PBX4: variants seen among roughly 807,000 people sequenced by gnomAD.
PBX4 encodes the protein pre-B-cell leukemia transcription factor 4.
A neutral mutation model predicts 35.1 loss-of-function variants in PBX4; 26 were observed. The observed-to-expected ratio is 0.74, with a 90% confidence interval of 0.54 to 1.03. The LOEUF is 1.03. PBX4 is among the 50% of genes least tolerant of loss of function. The pLI is 0.00. For synonymous variants in PBX4, 199 were observed against 204.2 expected (o/e 0.97, Z 0.22); for missense variants, 448 against 504.3 (o/e 0.89, Z 1.07).
chr19:19,593,955 AT>A (rs1403528508), intron 2 of PBX4, among the ~76,000 whole-genome samples: 20 of 150,864 alleles, frequency 1.3e-4, no homozygotes, highest in Admixed American at 2.7e-4. Flanking sequence ...CTAAGACCTC[AT>A]CCCCCCAAAA....
chr19:19,564,371 T>A (rs2061327915), intron 6 of PBX4, among the ~76,000 whole-genome samples: 1 of 151,912 alleles, frequency 6.6e-6, no homozygotes, highest in Non-Finnish European at 1.5e-5. Flanking sequence ...ATGTGCCACA[T>A]TTTCTTAATC....
chr19:19,582,915 G>A (rs1333780174), intron 2 of PBX4, among the ~76,000 whole-genome samples: 1 of 152,228 alleles, frequency 6.6e-6, no homozygotes, highest in Non-Finnish European at 1.5e-5. Context: ...CCGAAGAAGT[G>A]AGCCACATCC....
At position 19,572,656 on chromosome 19, in the gene PBX4, G is replaced by A. The variant is rs186247883; in HGVS notation, c.194-1823C>T. On this transcript the variant is annotated intron_variant, in intron 2 of 7. Coordinates refer to ENST00000251203, the MANE Select transcript of PBX4 (RefSeq NM_025245.3). ...AAGGTGGGCGGATCACCTGAGGTCG[G>A]GAGTTCGAGACCAGCCCAGCCAACG... 1.1e-4 allele frequency among the ~76,000 whole-genome samples: 17 copies of A among 151,264 alleles called. No homozygotes were observed. In the East Asian group the frequency reaches 3.2e-3, roughly 29 times the overall value.
At chr19:19,592,778 A>C (rs1239345442) in intron 2 of PBX4, among the ~76,000 whole-genome samples, 1 of 152,214 alleles carries the variant, frequency 6.6e-6, no homozygotes, top group Non-Finnish European at 1.5e-5. Context: ...AGCGCATCCT[A>C]GACCCTGCGC....
intron 1 of PBX4, among the ~76,000 whole-genome samples, chr19:19,604,702 G>C (rs2061619319): frequency 6.6e-6 from 1 of 151,960 alleles, no homozygotes; most frequent in Non-Finnish European, 1.5e-5. Context: ...CCAGGTTCAA[G>C]TGATTCTCCT....
intron 5 of PBX4, among the ~76,000 whole-genome samples, chr19:19,569,145 C>A (rs1254272862): frequency 6.6e-6 from 1 of 152,134 alleles, no homozygotes; most frequent in Admixed American, 6.6e-5. Flanking sequence ...TGCAGCCTCA[C>A]CCTCCTGGGC....
At chr19:19,607,014 C>G (rs1487224178) in intron 1 of PBX4, among the ~76,000 whole-genome samples, 1 of 151,976 alleles carries the variant, frequency 6.6e-6, no homozygotes, top group African/African-American at 2.4e-5. Flanking sequence ...AAACAAAAAA[C>G]ACAAGTATAT....
At position 19,563,292 on chromosome 19, in the gene PBX4, C is replaced by T. The variant is rs1309546971; in HGVS notation, c.1032+217G>A. On this transcript the variant is annotated intron_variant, in intron 7 of 7. Coordinates refer to ENST00000251203, the MANE Select transcript of PBX4 (RefSeq NM_025245.3). This position sits in a 1 kb window ranked among gnomAD's most constrained non-coding sequence, Gnocchi z 5.1. ...GTTCATCCCCACTGACTGTTCCCAG[C>T]GGCTGCCGTGGTGACAAGTGGAGGT... Among the ~76,000 whole-genome samples, 3 of 152,122 alleles carry T rather than the reference C, an allele frequency of 2.0e-5. No individual in the cohort carries two copies. The highest frequency in any genetic ancestry group is 2.9e-5 in the Non-Finnish European group (2 of 68,012).
At chr19:19,592,102 C>G (rs191070222) in intron 2 of PBX4, among the ~76,000 whole-genome samples, 46 of 152,088 alleles carry the variant, frequency 3.0e-4, no homozygotes, top group African/African-American at 1.1e-3. Context: ...AGGCTGGTCT[C>G]GAACTCCTGA....
At chr19:19,579,499 C>T (rs943137321) in intron 2 of PBX4, among the ~76,000 whole-genome samples, 5 of 152,252 alleles carry the variant, frequency 3.3e-5, no homozygotes, top group African/African-American at 1.2e-4. Flanking sequence ...TTTGCCCTGA[C>T]TTCCCCAAGC....
At chr19:19,597,687 G>C (rs2061569122) in intron 2 of PBX4, among the ~76,000 whole-genome samples, 1 of 152,162 alleles carries the variant, frequency 6.6e-6, no homozygotes, top group African/African-American at 2.4e-5. Flanking sequence ...TCAAATAATT[G>C]ACCTCAAGAG....
chr19:19,573,328 T>TACACACACACACACAC (rs1387587008), intron 2 of PBX4, among the ~76,000 whole-genome samples: 3 of 92,122 alleles, frequency 3.3e-5, no homozygotes, highest in South Asian at 8.2e-4. Flanking sequence ...AAAAAAAAAA[T>TACACACACACACACAC]ATACACACAC....
chr19:19,569,394 A>C, intron 5 of PBX4, 55 bp downstream of exon 5: 1 of 1,566,478 alleles, frequency 6.4e-7, no homozygotes. Flanking sequence ...TCCTCATGGG[A>C]CCTAGTCATC....
At chr19:19,603,514 G>A (rs1039354430) in intron 1 of PBX4, among the ~76,000 whole-genome samples, 1 of 152,028 alleles carries the variant, frequency 6.6e-6, no homozygotes, top group Non-Finnish European at 1.5e-5. Flanking sequence ...TTGGCATGTT[G>A]GTCAGCCTCA....
intron 2 of PBX4, among the ~76,000 whole-genome samples, chr19:19,582,195 C>T (rs2061459050): frequency 6.6e-6 from 1 of 152,156 alleles, no homozygotes; most frequent in Non-Finnish European, 1.5e-5. Flanking sequence ...CCCAGTGATA[C>T]GGGAGTGGGG....
At chr19:19,603,786 G>A (rs191358018) in intron 1 of PBX4, among the ~76,000 whole-genome samples, 62 of 152,044 alleles carry the variant, frequency 4.1e-4, no homozygotes, top group Non-Finnish European at 8.8e-5. Context: ...GTGAGACAAT[G>A]TCTCTGCTAA....
chr19:19,563,508 C>CCTGGGA lies in PBX4; in HGVS notation c.1027_1032dup (p.Ser343_Gln344dup). On this transcript the variant is annotated inframe_insertion and splice_region_variant. Transcript: ENST00000251203. This position sits in a 1 kb window ranked among gnomAD's most constrained non-coding sequence, Gnocchi z 5.1. ...GCTGTGGGACAGTGCCTGAGACTCA[C>CCTGGGA]CTGGGACTGCAGGCAGCCTCCCCCA... 6.5e-7 allele frequency: 1 copy of CCTGGGA among 1,548,674 alleles called. No homozygotes were observed. The highest frequency in any genetic ancestry group is 1.2e-5 in the South Asian group (1 of 83,876).
rs1291716737 is a variant in PBX4, at chr19:19,618,675, G to C, written c.-46C>G. On this transcript the variant is annotated 5_prime_UTR_variant, in exon 1 of 8. Coordinates refer to ENST00000251203, the MANE Select transcript of PBX4 (RefSeq NM_025245.3). Reference sequence around the variant, plus strand: ...CGCTGTGAGGGTGCCGTCGAGCCTGGAGCACTACCACTGGCGCCGCAGCCA... The same window carrying C: ...CGCTGTGAGGGTGCCGTCGAGCCTGCAGCACTACCACTGGCGCCGCAGCCA... The C allele has an allele frequency of 1.1e-5, 13 of 1,184,404 alleles. No homozygotes were observed. Among genetic ancestry groups the C allele is most frequent in the African/African-American group, 1.6e-5 (1 of 62,374 alleles). The allele number at this position is 1,184,404 out of a possible 1,614,324, so 73.4% of individuals were successfully genotyped here. A position where few individuals can be genotyped will look rare whatever the true frequency, so the allele number is the denominator to read the frequency against.
chr19:19,567,963 C>T lies in PBX4; in HGVS notation c.768+1486G>A, dbSNP rs539923186. 2.6e-5 allele frequency among the ~76,000 whole-genome samples: 4 copies of T among 151,080 alleles called. No individual in the cohort carries two copies. The East Asian group carries it at 7.9e-4, about 30-fold the overall frequency. ...ATCTGTATCTCTCAGGGAGCTCACA[C>T]TCCATCTCTGTCCCTCAGGGAGCTC... is the stretch of plus-strand genomic sequence containing the variant. On this transcript the variant is annotated intron_variant, in intron 5 of 7. Transcript: ENST00000251203.
Sources: gnomAD v4.1 joint callset for allele counts (sites outside exome capture counted in the v4.1 genomes callset) on GRCh38, gnomAD v4.1.1 for gene constraint, Gnocchi (gnomAD v3.1) non-coding constraint, MANE v1.5 for transcripts, NCBI Gene and HGNC (gene_info 2026-07-23, HGNC 2026-07-21) for gene names.